RAB9B: variants seen among roughly 807,000 people sequenced by gnomAD.
The protein encoded by RAB9B is RAB9B, member RAS oncogene family.
A neutral mutation model predicts 8.9 loss-of-function variants in RAB9B; 1 was observed. The observed-to-expected ratio is 0.11, with a 90% CI of 0.04 to 0.53. The LOEUF (loss-of-function observed/expected upper bound fraction) is 0.53, where lower values mean the gene tolerates loss of function less well. Among genes scored for constraint, RAB9B ranks in the 20% least tolerant of loss-of-function variants. The pLI, the probability that RAB9B is intolerant of heterozygous loss-of-function variation, is 0.93. For missense variants in RAB9B, 82 were observed against 152.9 expected (o/e 0.54, Z 2.45); for synonymous variants, 63 against 57.0 (o/e 1.10, Z -0.47).
At chrX:103,785,449 T>C in the RAB9B span, 1 of 550,685 alleles carries the variant, frequency 1.8e-6, no homozygotes, top group Non-Finnish European at 3.2e-6. Context: ...CCAAAACCTC[T>C]AGCCGCTCCT....
chrX:103,798,168 A>G, the RAB9B span, among the ~76,000 whole-genome samples: 1 of 112,248 alleles, frequency 8.9e-6, no homozygotes, highest in Non-Finnish European at 1.9e-5. Context: ...TATATATTAA[A>G]CATATGCTTT....
the RAB9B span, among the ~76,000 whole-genome samples, chrX:103,817,186 T>C: frequency 4.5e-5 from 5 of 111,787 alleles, no homozygotes; most frequent in African/African-American, 1.6e-4. Context: ...AACCCAAATG[T>C]CCATCAATGA....
At chrX:103,777,227 T>C in the RAB9B span, among the ~76,000 whole-genome samples, 1 of 111,731 alleles carries the variant, frequency 9.0e-6, no homozygotes, top group Non-Finnish European at 1.9e-5. Flanking sequence ...GTCCCACAGA[T>C]CTCTGGAGAG....
At chrX:103,820,879 G>A (rs1183882785), downstream of RAB9B, among the ~76,000 whole-genome samples, 1 of 109,012 alleles carries the variant, frequency 9.2e-6, no homozygotes, top group Non-Finnish European at 1.9e-5. Context: ...GAGTCCGGGA[G>A]GCCGAGGTTG....
rs993742962 is a variant in RAB9B, at chrX:103,823,919, C to T, written c.*1260G>A. 2 of 112,316 alleles carry T rather than the reference C, an allele frequency of 1.8e-5. No homozygotes were observed. Among genetic ancestry groups the T allele is most frequent in the Non-Finnish European group, 3.8e-5 (2 of 53,265 alleles). 9.3% of individuals were successfully genotyped at this position (112,316 alleles called of 1,213,427 possible). A position where few individuals can be genotyped will look rare whatever the true frequency, so the allele number is the denominator to read the frequency against. ...TGTTATCATCAGATAAATCTAACCA[C>T]AGCATGGCACTGATGTAGTTTATAT... On this transcript the variant is annotated 3_prime_UTR_variant, in exon 3 of 3. Transcript: ENST00000243298.
downstream of RAB9B, among the ~76,000 whole-genome samples, chrX:103,821,714 CTGTTTATATTTTTTGATGGT>C (rs2074661530): frequency 8.9e-6 from 1 of 111,771 alleles, no homozygotes; most frequent in Admixed American, 9.5e-5. Context: ...TATGTCTACT[CTGTTTATATTTTTTGATGGT>C]TTAACATTTA....
downstream of RAB9B, among the ~76,000 whole-genome samples, chrX:103,818,046 G>A (rs2074646538): frequency 9.0e-6 from 1 of 111,014 alleles, no homozygotes; most frequent in Non-Finnish European, 1.9e-5. Context: ...AAGATCTATG[G>A]GAGGGGATTG....
intron 1 of RAB9B, among the ~76,000 whole-genome samples, chrX:103,827,673 T>C (rs898275206): frequency 8.9e-6 from 1 of 112,189 alleles, no homozygotes; most frequent in Non-Finnish European, 1.9e-5. Context: ...TCTTTATTTA[T>C]TTTTTAAATT....
chrX:103,816,194 C>T, the RAB9B span, among the ~76,000 whole-genome samples: 2 of 111,465 alleles, frequency 1.8e-5, no homozygotes, highest in South Asian at 3.8e-4. Context: ...TACAAGACTA[C>T]AGTAACCAAA....
In RAB9B at chrX:103,823,756, G is replaced by T. The variant is rs1303021251; in HGVS notation, c.*1423C>A. 1 of 111,944 alleles carries T rather than the reference G, an allele frequency of 8.9e-6. No individual in the cohort carries two copies. Among genetic ancestry groups the T allele is most frequent in the Admixed American group, 9.5e-5 (1 of 10,529 alleles). The allele number at this position is 111,944 out of a possible 1,213,427, so 9.2% of individuals were successfully genotyped here. A position where few individuals can be genotyped will look rare whatever the true frequency, so the allele number is the denominator to read the frequency against. On this transcript the variant is annotated 3_prime_UTR_variant, in exon 3 of 3. Coordinates refer to ENST00000243298, the MANE Select transcript of RAB9B (RefSeq NM_016370.4). ...GGGAGCTTTAAGATGTTTTTTATCA[G>T]TCACATAAAGATTACTCAGAGCTCA...
the RAB9B span, among the ~76,000 whole-genome samples, chrX:103,799,024 A>G: frequency 5.5e-5 from 6 of 108,747 alleles, no homozygotes; most frequent in Non-Finnish European, 1.1e-4. Context: ...TACTTTAAAT[A>G]TATATATATA....
chrX:103,807,163 A>G, the RAB9B span, among the ~76,000 whole-genome samples: 1 of 112,103 alleles, frequency 8.9e-6, no homozygotes, highest in South Asian at 3.8e-4. Flanking sequence ...TGAACAAATG[A>G]GAGTTTGCTT....
At chrX:103,782,591 C>A in the RAB9B span, among the ~76,000 whole-genome samples, 1 of 111,899 alleles carries the variant, frequency 8.9e-6, no homozygotes, top group African/African-American at 3.3e-5. Flanking sequence ...CATCACCTAA[C>A]GCTTAAAGTG....
the RAB9B span, among the ~76,000 whole-genome samples, chrX:103,778,433 T>C: frequency 8.9e-6 from 1 of 112,024 alleles, no homozygotes; most frequent in Non-Finnish European, 1.9e-5. Flanking sequence ...AGGAACTCAA[T>C]TCCTGCCCTG....
chrX:103,799,722 G>A, the RAB9B span, among the ~76,000 whole-genome samples: 3 of 112,118 alleles, frequency 2.7e-5, no homozygotes, highest in South Asian at 1.1e-3. Context: ...CAAAAGTAAA[G>A]AGAGTCCCTA....
chrX:103,821,880 A>G (rs1156364554), downstream of RAB9B, among the ~76,000 whole-genome samples: 2 of 111,763 alleles, frequency 1.8e-5, no homozygotes, highest in African/African-American at 6.5e-5. Context: ...CCATCACCAG[A>G]ATAGTGTACA....
At chrX:103,778,029 G>C in the RAB9B span, among the ~76,000 whole-genome samples, 1 of 112,014 alleles carries the variant, frequency 8.9e-6, no homozygotes, top group Admixed American at 9.4e-5. Context: ...GAAACACAGA[G>C]AGAACACTTT....
the RAB9B span, among the ~76,000 whole-genome samples, chrX:103,784,293 T>C: frequency 9.0e-6 from 1 of 111,716 alleles, no homozygotes; most frequent in Admixed American, 9.5e-5. Context: ...GTTCCTCTAG[T>C]GCCAGAAAGA....
the RAB9B span, chrX:103,787,881 C>T: frequency 8.3e-7 from 1 of 1,203,366 alleles, no homozygotes. Flanking sequence ...TTTACTTCAA[C>T]ACCTGGACCA....
Sources: gnomAD v4.1 joint callset for allele counts (sites outside exome capture counted in the v4.1 genomes callset) on GRCh38, gnomAD v4.1.1 for gene constraint, MANE v1.5 for transcripts, NCBI Gene and HGNC (gene_info 2026-07-23, HGNC 2026-07-21) for gene names.